VRTN: variants seen among roughly 807,000 people sequenced by gnomAD.
The protein encoded by VRTN is vertebrae development associated.
In VRTN, 5 loss-of-function variants were observed where a neutral mutation model predicts 18.2. The ratio of observed to expected loss-of-function variants is 0.27; its 90% CI spans 0.14 to 0.58. The LOEUF is 0.58. Among genes scored for constraint, VRTN ranks in the 20% least tolerant of loss-of-function variants. The pLI is 0.91. For synonymous variants in VRTN, 381 were observed against 393.7 expected (o/e 0.97, Z 0.38); for missense variants, 741 against 939.4 (o/e 0.79, Z 2.76).
intron 1 of VRTN, among the ~76,000 whole-genome samples, chr14:74,322,680 T>C (rs1285631746): frequency 6.6e-6 from 1 of 152,112 alleles, no homozygotes; most frequent in African/African-American, 2.4e-5. Flanking sequence ...TGTATTCCTA[T>C]TGTGTCTGTT....
intron 1 of VRTN, among the ~76,000 whole-genome samples, chr14:74,308,962 A>C (rs899663483): frequency 6.6e-6 from 1 of 151,950 alleles, no homozygotes; most frequent in African/African-American, 2.4e-5. Flanking sequence ...TCCCAGGTTA[A>C]AGTGATTCTT....
chr14:74,312,005 G>A (rs1376547774), intron 1 of VRTN, among the ~76,000 whole-genome samples: 2 of 151,982 alleles, frequency 1.3e-5, no homozygotes, highest in East Asian at 1.9e-4. Flanking sequence ...CCTGACCTCA[G>A]GTGATCCACC....
chr14:74,311,958 C>T (rs2085391459), intron 1 of VRTN, among the ~76,000 whole-genome samples: 1 of 151,634 alleles, frequency 6.6e-6, no homozygotes, highest in African/African-American at 2.4e-5. Context: ...TTAGTAGAGA[C>T]AGGGTTTCAC....
chr14:74,337,229 G>T lies in VRTN; in HGVS notation c.-163-494G>T, dbSNP rs138013365. On this transcript the variant is annotated intron_variant, in intron 1 of 2. Coordinates refer to the VRTN transcript ENST00000557177. ...ATGGTGGCACATGCCTGTAGTCCCA[G>T]CTATTCGGGAAGCTGAGGCAGGAGA... is the stretch of plus-strand genomic sequence containing the variant. Among the ~76,000 whole-genome samples, 340 of 152,202 alleles carry T rather than the reference G, an allele frequency of 2.2e-3. 22 individuals carry two copies. In the East Asian group the frequency reaches 0.06, roughly 27 times the overall value.
chr14:74,314,123 T>A lies in VRTN; in HGVS notation c.-164+10947T>A, dbSNP rs149835520. ...ACAAGAGAAAAGCATAAGCAATTTA[T>A]AACTTTCTCTTTTAATTTTTTTTTT... On this transcript the variant is annotated intron_variant, in intron 1 of 2. Coordinates refer to the VRTN transcript ENST00000557177. Among the ~76,000 whole-genome samples, 219 of 152,300 alleles carry A rather than the reference T, an allele frequency of 1.4e-3. 1 individual carries two copies. Among genetic ancestry groups the A allele is most frequent in the African/African-American group, 5.0e-3 (208 of 41,566 alleles).
intron 1 of VRTN, among the ~76,000 whole-genome samples, chr14:74,315,253 G>T (rs758323869): frequency 6.6e-6 from 1 of 151,960 alleles, no homozygotes; most frequent in African/African-American, 2.4e-5. Flanking sequence ...TCACTCTGTC[G>T]CCCAGGCTGG....
upstream of VRTN, among the ~76,000 whole-genome samples, chr14:74,346,820 A>G (rs2085647408): frequency 6.6e-6 from 1 of 152,146 alleles, no homozygotes; most frequent in South Asian, 2.1e-4. Flanking sequence ...TTTTTTCACT[A>G]CTTTCTTTTT....
chr14:74,304,788 C>CCT (rs1240543658), intron 1 of VRTN, among the ~76,000 whole-genome samples: 1 of 152,154 alleles, frequency 6.6e-6, no homozygotes, highest in Non-Finnish European at 1.5e-5. Context: ...AAAGTGGAAT[C>CCT]TAGAAAGACT....
At chr14:74,306,715 C>A (rs1039119665) in intron 1 of VRTN, among the ~76,000 whole-genome samples, 4 of 149,088 alleles carry the variant, frequency 2.7e-5, no homozygotes, top group African/African-American at 9.8e-5. Flanking sequence ...CCACCTCAAT[C>A]TCCTGAGTAG....
chr14:74,312,014 C>G (rs2085391711), intron 1 of VRTN, among the ~76,000 whole-genome samples: 1 of 152,182 alleles, frequency 6.6e-6, no homozygotes, highest in Non-Finnish European at 1.5e-5. Context: ...AGGTGATCCA[C>G]CTGCCTTGGC....
intron 1 of VRTN, among the ~76,000 whole-genome samples, chr14:74,323,248 C>T (rs779890952): frequency 6.6e-6 from 1 of 152,038 alleles, no homozygotes; most frequent in Non-Finnish European, 1.5e-5. Context: ...CAAAAAAAAT[C>T]TCTGGGGAGT....
At chr14:74,313,676 G>A (rs1364170958) in intron 1 of VRTN, among the ~76,000 whole-genome samples, 8 of 152,286 alleles carry the variant, frequency 5.3e-5, no homozygotes, top group African/African-American at 1.9e-4. Flanking sequence ...GCCCCTGCAA[G>A]TCTGTTAAAA....
At chr14:74,316,637 C>CTTT (rs370697776) in intron 1 of VRTN, among the ~76,000 whole-genome samples, 7 of 131,194 alleles carry the variant, frequency 5.3e-5, no homozygotes, top group Admixed American at 7.8e-5. Flanking sequence ...AGGGATTATT[C>CTTT]TTTTTTTTTT....
At chr14:74,335,238 G>A (rs1376496629) in intron 1 of VRTN, among the ~76,000 whole-genome samples, 2 of 152,144 alleles carry the variant, frequency 1.3e-5, no homozygotes, top group Non-Finnish European at 2.9e-5. Context: ...CTGACATCAT[G>A]CCACTGCACT....
chr14:74,347,743 G>A (rs1377608211), upstream of VRTN, among the ~76,000 whole-genome samples: 1 of 152,202 alleles, frequency 6.6e-6, no homozygotes, highest in Non-Finnish European at 1.5e-5. Flanking sequence ...GGTGAGCCAT[G>A]GGGGAGGGAC....
upstream of VRTN, among the ~76,000 whole-genome samples, chr14:74,347,886 C>T (rs2140209851): frequency 6.6e-6 from 1 of 152,248 alleles, no homozygotes. Context: ...GGTGTTGAGC[C>T]CCAAGCCTGG....
At position 74,358,125 on chromosome 14, in the gene VRTN, C is replaced by T; in HGVS notation, c.1342C>T (p.Pro448Ser). 6.2e-7 allele frequency: 1 copy of T among 1,614,108 alleles called. No individual in the cohort carries two copies. Among genetic ancestry groups the T allele is most frequent in the Non-Finnish European group, 8.5e-7 (1 of 1,180,030 alleles). Residue 448 changes from proline to serine, a missense_variant, in exon 2 of 2, where the codon CCC (proline) becomes TCC (serine). Transcript: ENST00000256362. The surrounding 1 kb of genome is among the most constrained non-coding windows in gnomAD (Gnocchi z 5.4). ...GCGGCGAAAGGCCCTCCGGAGGAAC[C>T]CCAGCTTCAAGCCGGCACCAGCCCT... ...NWRRKALRRN[P>S]SFKPAPALSA... is the part of the protein sequence containing the mutation.
At chr14:74,305,330 C>CAAAAAAAA (rs71115979) in intron 1 of VRTN, 1 of 122,678 alleles carries the variant, frequency 8.2e-6, no homozygotes, top group African/African-American at 3.3e-5. Context: ...GAGACTGTTT[C>CAAAAAAAA]AAAAAAAAAA....
chr14:74,351,924 A>G (rs1595175119), intron 1 of VRTN, among the ~76,000 whole-genome samples: 1 of 151,346 alleles, frequency 6.6e-6, no homozygotes. Flanking sequence ...GCTCACTGCA[A>G]CCTCCGTCTC....
Sources: gnomAD v4.1 joint callset for allele counts (sites outside exome capture counted in the v4.1 genomes callset) on GRCh38, gnomAD v4.1.1 for gene constraint, Gnocchi (gnomAD v3.1) non-coding constraint, MANE v1.5 for transcripts, NCBI Gene and HGNC (gene_info 2026-07-23, HGNC 2026-07-21) for gene names.